Variants in PEAK1 observed in about 807,000 individuals in gnomAD.
The protein encoded by PEAK1 is inactive tyrosine-protein kinase PEAK1.
Under a neutral mutation model 124.7 loss-of-function variants are expected in PEAK1, and 54 were observed. The observed-to-expected ratio is 0.43, with a 90% confidence interval of 0.35 to 0.54. PEAK1 has a LOEUF of 0.54. Ranked by LOEUF, PEAK1 falls within the 20% of genes least tolerant of loss-of-function variation. The probability of loss-of-function intolerance (pLI) is 0.01; values close to 1 mark genes in which losing one functional copy is unlikely to be tolerated. For missense variants in PEAK1, 2,046 were observed against 2,134.5 expected, an observed-to-expected ratio of 0.96 and a Z score of 0.82; for synonymous variants, 719 against 760.0, an observed-to-expected ratio of 0.95 and a Z score of 0.89.
At chr15:77,227,057 T>G (rs920873292) in intron 6 of PEAK1, among the ~76,000 whole-genome samples, 3 of 152,210 alleles carry the variant, frequency 2.0e-5, no homozygotes, top group Non-Finnish European at 4.4e-5. Context: ...TACAGATGCA[T>G]GAGTTGCATT....
chr15:77,225,813 C>T (rs1005485781), intron 6 of PEAK1, among the ~76,000 whole-genome samples: 54 of 145,840 alleles, frequency 3.7e-4, no homozygotes, highest in Admixed American at 3.5e-4. Flanking sequence ...CAATATATGA[C>T]GAAACACACA....
chr15:77,251,341 A>T (rs2060872595), intron 6 of PEAK1, among the ~76,000 whole-genome samples: 2 of 152,194 alleles, frequency 1.3e-5, no homozygotes, highest in Admixed American at 1.3e-4. Context: ...AAGAAGAAAA[A>T]ATCTTATAAT....
intron 7 of PEAK1, among the ~76,000 whole-genome samples, 179 bp from the exon 8 acceptor site, chr15:77,158,875 C>T (rs1389254806): frequency 6.6e-6 from 1 of 152,218 alleles, no homozygotes; most frequent in Non-Finnish European, 1.5e-5. Context: ...TTGATTCACA[C>T]ATATTGAGAA....
intron 6 of PEAK1, among the ~76,000 whole-genome samples, chr15:77,243,860 C>T (rs922629890): frequency 1.3e-5 from 2 of 151,934 alleles, no homozygotes; most frequent in Non-Finnish European, 2.9e-5. Flanking sequence ...CCCTGCTACT[C>T]GGGAGGCTGA....
At chr15:77,415,743 A>G (rs1342073321) in intron 1 of PEAK1, among the ~76,000 whole-genome samples, 1 of 152,132 alleles carries the variant, frequency 6.6e-6, no homozygotes, top group Non-Finnish European at 1.5e-5. Context: ...CCTTCTACTT[A>G]AGACCAACTT....
At chr15:77,338,912 A>G (rs1238986748) in intron 2 of PEAK1, among the ~76,000 whole-genome samples, 4 of 152,008 alleles carry the variant, frequency 2.6e-5, no homozygotes, top group Non-Finnish European at 5.9e-5. Flanking sequence ...TATAGTAAAA[A>G]AGTGTCTAAA....
At chr15:77,275,201 C>T (rs577526423) in intron 5 of PEAK1, among the ~76,000 whole-genome samples, 1 of 152,284 alleles carries the variant, frequency 6.6e-6, no homozygotes, top group East Asian at 1.9e-4. Flanking sequence ...AAAGACTACA[C>T]ATTGGGTACA....
intron 1 of PEAK1, among the ~76,000 whole-genome samples, chr15:77,394,104 C>A (rs79541756): frequency 6.6e-6 from 1 of 152,120 alleles, no homozygotes; most frequent in African/African-American, 2.4e-5. Flanking sequence ...CCAGCTCAGC[C>A]GCATTAGAAT....
chr15:77,148,146 T>C (rs1182145377), intron 8 of PEAK1, among the ~76,000 whole-genome samples: 2 of 152,150 alleles, frequency 1.3e-5, no homozygotes, highest in African/African-American at 2.4e-5. Context: ...GAAAAATATA[T>C]GGGTTGCATA....
At chr15:77,416,886 T>C (rs1267416219) in intron 1 of PEAK1, among the ~76,000 whole-genome samples, 2 of 152,256 alleles carry the variant, frequency 1.3e-5, no homozygotes, top group Non-Finnish European at 2.9e-5. Flanking sequence ...GAGTTTATAT[T>C]ATTAAAATTA....
At chr15:77,414,533 C>G (rs1009326860) in intron 1 of PEAK1, among the ~76,000 whole-genome samples, 1 of 151,986 alleles carries the variant, frequency 6.6e-6, no homozygotes, top group African/African-American at 2.4e-5. Flanking sequence ...TATTTTCTAT[C>G]TTATCCTCTG....
intron 5 of PEAK1, among the ~76,000 whole-genome samples, chr15:77,272,338 A>C (rs1211289949): frequency 2.0e-5 from 3 of 152,214 alleles, no homozygotes; most frequent in African/African-American, 7.2e-5. Context: ...TTCTTTGAAA[A>C]GATAAATAAA....
At position 77,378,710 on chromosome 15, in the gene PEAK1, G is replaced by GTGAAAAAC. The variant is rs1163098377; in HGVS notation, c.-665-13486_-665-13485insGTTTTTCA. Among the ~76,000 whole-genome samples, 345 of 152,210 alleles carry GTGAAAAAC rather than the reference G, an allele frequency of 2.3e-3. 3 individuals are homozygous for GTGAAAAAC. The highest frequency in any genetic ancestry group is 7.7e-3 in the African/African-American group (320 of 41,524). On this transcript the variant is annotated intron_variant, in intron 1 of 9. Transcript: ENST00000682557. Reference sequence around the variant, plus strand: ...CTCTTTGGCTTCAGAAAATAGACATGTCAAAAACTCAACTGGAAAGCAAAT... The same window carrying GTGAAAAAC: ...CTCTTTGGCTTCAGAAAATAGACATGTGAAAAACTCAAAAACTCAACTGGAAAGCAAAT...
rs1177614490 is a variant in PEAK1 at position 77,403,090 on chromosome 15, A to T, written c.-666+16916T>A. 9.1e-6 allele frequency: 9 copies of T among 985,198 alleles called. No homozygotes were observed. The East Asian group carries it at 1.0e-3, about 112-fold the overall frequency. The allele number at this position is 985,198 out of a possible 1,614,324, so 61.0% of individuals were successfully genotyped here. A position where few individuals can be genotyped will look rare whatever the true frequency, so the allele number is the denominator to read the frequency against. On this transcript the variant is annotated intron_variant, in intron 1 of 9. Transcript: ENST00000682557. ...GAGTTTCTCTCATCATTATAGAAAT[A>T]AGAAACCCTTTCTAAATTGGAGCCT...
intron 8 of PEAK1, among the ~76,000 whole-genome samples, chr15:77,152,555 C>T (rs1055273713): frequency 1.6e-4 from 25 of 152,154 alleles, no homozygotes; most frequent in African/African-American, 5.3e-4. Flanking sequence ...GAGGGCATCC[C>T]TGTCTTGTGC....
At chr15:77,252,219 A>G in intron 6 of PEAK1, 148 bp downstream of exon 6, 1 of 356,208 alleles carries the variant, frequency 2.8e-6, no homozygotes, top group Non-Finnish European at 3.9e-6. Context: ...TTAAGGACCA[A>G]AGCCTGGTTA....
chr15:77,184,140 T>C (rs946418227), intron 6 of PEAK1, among the ~76,000 whole-genome samples: 6 of 151,872 alleles, frequency 4.0e-5, no homozygotes, highest in Admixed American at 1.3e-4. Context: ...CAAAGATACA[T>C]GGATTGCATT....
intron 1 of PEAK1, among the ~76,000 whole-genome samples, chr15:77,413,172 T>A (rs1371660886): frequency 6.6e-6 from 1 of 152,194 alleles, no homozygotes; most frequent in Admixed American, 6.5e-5. Flanking sequence ...AGAAACAGGA[T>A]ACTGGCAAAG....
intron 2 of PEAK1, among the ~76,000 whole-genome samples, chr15:77,362,959 G>C (rs912304184): frequency 6.6e-6 from 1 of 152,014 alleles, no homozygotes; most frequent in African/African-American, 2.4e-5. Context: ...GGGTTCAAGC[G>C]ATTCTCCTGC....
Sources: allele counts gnomAD v4.1 joint callset (sites outside exome capture counted in the v4.1 genomes callset), GRCh38; gene constraint gnomAD v4.1.1; transcripts MANE v1.5; gene names NCBI Gene and HGNC (gene_info 2026-07-23, HGNC 2026-07-21).